SPRED2: variants seen among roughly 807,000 people sequenced by gnomAD.
SPRED2 encodes the protein sprouty-related, EVH1 domain-containing protein 2.
Under a neutral mutation model 43.0 loss-of-function variants are expected in SPRED2, and 47 were observed. The ratio of observed to expected loss-of-function variants is 1.09; its 90% confidence interval spans 0.87 to 1.40. The LOEUF (loss-of-function observed/expected upper bound fraction) is 1.40. SPRED2 is among the 40% of genes most tolerant of loss of function. SPRED2 has a pLI of 0.00. For missense variants in SPRED2, 561 were observed against 586.4 expected, an observed-to-expected ratio of 0.96 and a Z score of 0.45; for synonymous variants, 225 against 225.7, an observed-to-expected ratio of 1.00 and a Z score of 0.03.
At chr2:65,369,464 C>T (rs554770910) in intron 1 of SPRED2, among the ~76,000 whole-genome samples, 6 of 152,290 alleles carry the variant, frequency 3.9e-5, no homozygotes, top group East Asian at 1.9e-4. Flanking sequence ...ATATGCGATA[C>T]TTTTCCCCTG....
chr2:65,419,064 C>A (rs1676357748), intron 1 of SPRED2, among the ~76,000 whole-genome samples: 1 of 152,132 alleles, frequency 6.6e-6, no homozygotes, highest in Non-Finnish European at 1.5e-5. Flanking sequence ...GGCCACACAG[C>A]AGGTCAGTGG....
intron 1 of SPRED2, among the ~76,000 whole-genome samples, chr2:65,352,491 T>C (rs185924764): frequency 1.2e-3 from 177 of 152,372 alleles, no homozygotes; most frequent in Non-Finnish European, 1.8e-3. Flanking sequence ...CTATGCTCTA[T>C]GTTTATCAAG....
At chr2:65,430,782 AACGG>A (rs1242044156) in intron 1 of SPRED2, among the ~76,000 whole-genome samples, 3 of 152,134 alleles carry the variant, frequency 2.0e-5, no homozygotes, top group African/African-American at 7.2e-5. Context: ...GAATGAAAGG[AACGG>A]ATGCAGGCTC....
rs376325420 is a variant in SPRED2 at position 65,338,163 on chromosome 2, C to CG, written c.205-3391_205-3390insC. 1.2e-3 allele frequency among the ~76,000 whole-genome samples: 76 copies of CG among 65,126 alleles called. 1 individual carries two copies. The highest frequency in any genetic ancestry group is 7.1e-3 in the East Asian group (2 of 282). The allele number at this position is 65,126 out of a possible 152,430, so 42.7% of individuals were successfully genotyped here. On this transcript the variant is annotated intron_variant, in intron 2 of 5. Transcript: ENST00000356388. ...GAGTCCCTCTCCCTCTCCCGTCTCCCTCTCCCGTCTCCCGTCTCCCTCTCC... is the reference window on the plus strand; with the variant it reads ...GAGTCCCTCTCCCTCTCCCGTCTCCCGTCTCCCGTCTCCCGTCTCCCTCTCC...
chr2:65,325,067 C>T (rs1001469826), intron 4 of SPRED2, among the ~76,000 whole-genome samples: 1 of 152,210 alleles, frequency 6.6e-6, no homozygotes, highest in Non-Finnish European at 1.5e-5. Context: ...ACAGCCTTCT[C>T]AAGTAGGATG....
chr2:65,431,309 C>T (rs1195360575), intron 1 of SPRED2, among the ~76,000 whole-genome samples: 1 of 151,446 alleles, frequency 6.6e-6, no homozygotes, highest in African/African-American at 2.4e-5. Flanking sequence ...CCCCGCAGGA[C>T]GCGTGTGCCG....
At chr2:65,430,979 C>T (rs1572912144) in intron 1 of SPRED2, among the ~76,000 whole-genome samples, 1 of 152,162 alleles carries the variant, frequency 6.6e-6, no homozygotes, top group East Asian at 1.9e-4. Flanking sequence ...GCCCCGCGGC[C>T]CCGCCCCCGT....
intron 2 of SPRED2, among the ~76,000 whole-genome samples, chr2:65,337,525 A>C (rs1427357898): frequency 6.6e-6 from 1 of 152,148 alleles, no homozygotes; most frequent in Admixed American, 6.5e-5. Context: ...CTCTCTGTCG[A>C]GTTCCCCACT....
intron 1 of SPRED2, among the ~76,000 whole-genome samples, chr2:65,351,548 G>C (rs1269792661): frequency 6.6e-6 from 1 of 152,158 alleles, no homozygotes; most frequent in South Asian, 2.1e-4. Context: ...CGCCAGCTGA[G>C]CCAAATATAA....
At chr2:65,344,136 C>CAAAAA in intron 2 of SPRED2, 2 of 73,398 alleles carry the variant, frequency 2.7e-5, no homozygotes, top group Admixed American at 2.7e-4. Context: ...GACTCCGTCT[C>CAAAAA]AAAAAAAAAA....
chr2:65,322,266 CTCTCTATATA>C (rs1347556367), intron 4 of SPRED2, among the ~76,000 whole-genome samples: 26 of 44,522 alleles, frequency 5.8e-4, no homozygotes, highest in Admixed American at 2.3e-3. Flanking sequence ...CTCTCTCTCT[CTCTCTATATA>C]TATATATATA....
chr2:65,332,437 C>T (rs115983229), intron 3 of SPRED2: 167 of 161,588 alleles, frequency 1.0e-3, no homozygotes, highest in African/African-American at 2.4e-3. Flanking sequence ...AAGCACTGGA[C>T]GGGGAACCCC....
intron 4 of SPRED2, among the ~76,000 whole-genome samples, chr2:65,328,673 A>G (rs973553876): frequency 3.9e-5 from 6 of 152,202 alleles, no homozygotes; most frequent in African/African-American, 1.4e-4. Context: ...CATCCCAAGA[A>G]GGTTTTGAGT....
At chr2:65,316,061 AAAAAC>A (rs1418014826) in intron 5 of SPRED2, among the ~76,000 whole-genome samples, 2 of 152,260 alleles carry the variant, frequency 1.3e-5, no homozygotes, top group African/African-American at 2.4e-5. Context: ...TTTTATGTTT[AAAAAC>A]AAAACAAAAC....
At position 65,316,754 on chromosome 2, in the gene SPRED2, C is replaced by T. The variant is rs777264148; in HGVS notation, c.568G>A (p.Asp190Asn). The T allele has an allele frequency of 5.6e-6, 9 of 1,611,412 alleles. No individual in the cohort carries two copies. The African/African-American group carries it at 1.2e-4, about 22-fold the overall frequency. ...CTCACCTGATCGAGGTGATAGTGGTCTGTGGGGTATGAGTCGTGGAGGTGG... is the reference window on the plus strand; with the variant it reads ...CTCACCTGATCGAGGTGATAGTGGTTTGTGGGGTATGAGTCGTGGAGGTGG... ...LGHLHDSYPT[D>N]HYHLDQPMPR... Residue 190 changes from aspartate to asparagine, a missense_variant, in exon 5 of 6, where the codon GAC becomes AAC. Transcript: ENST00000356388.
intron 4 of SPRED2, among the ~76,000 whole-genome samples, chr2:65,323,017 CAG>C (rs1474001348): frequency 1.3e-5 from 2 of 152,160 alleles, no homozygotes; most frequent in Non-Finnish European, 2.9e-5. Context: ...TTTTTTGAGA[CAG>C]AGTCTCGCTC....
chr2:65,405,747 T>G (rs555280766), intron 1 of SPRED2, among the ~76,000 whole-genome samples: 1 of 152,208 alleles, frequency 6.6e-6, no homozygotes. Context: ...TGAGCAAGTA[T>G]AGTAATTACA....
At chr2:65,308,572 G>A, downstream of SPRED2, 1 of 985,384 alleles carries the variant, frequency 1.0e-6, no homozygotes, top group Non-Finnish European at 1.2e-6. Context: ...TTTCCTCAGG[G>A]CCTCAGAATA....
At chr2:65,405,453 T>C (rs570288622) in intron 1 of SPRED2, among the ~76,000 whole-genome samples, 32 of 152,344 alleles carry the variant, frequency 2.1e-4, no homozygotes, top group African/African-American at 7.5e-4. Flanking sequence ...ATCCCAAATA[T>C]TCCTAGCTAA....
Sources: gnomAD v4.1 joint callset for allele counts (sites outside exome capture counted in the v4.1 genomes callset) on GRCh38, gnomAD v4.1.1 for gene constraint, MANE v1.5 for transcripts, NCBI Gene and HGNC (gene_info 2026-07-23, HGNC 2026-07-21) for gene names.